M1AP: variants seen among roughly 807,000 people sequenced by gnomAD.
M1AP encodes meiosis 1 associated protein.
M1AP carries 39 observed loss-of-function variants against 51.2 expected under a neutral mutation model. The ratio of observed to expected loss-of-function variants is 0.76; its 90% confidence interval spans 0.59 to 1.00. The LOEUF is 1.00. M1AP is among the 50% of genes least tolerant of loss of function. The probability of loss-of-function intolerance (pLI) is 0.00; values close to 1 mark genes in which losing one functional copy is unlikely to be tolerated. For missense variants in M1AP, 545 were observed against 641.2 expected (o/e 0.85, Z 1.62); for synonymous variants, 251 against 249.2 (o/e 1.01, Z -0.07).
At position 74,558,605 on chromosome 2, in the gene M1AP, C is replaced by T; in HGVS notation, c.*111G>A. On this transcript the variant is annotated 3_prime_UTR_variant, in exon 11 of 11. Transcript: ENST00000421985. ...AGGCTGTTGTTTCCCAGTCAGCCCT[C>T]ACTCACAGAGGCTCAGGCGGATAGA... is the stretch of plus-strand genomic sequence containing the variant. The T allele has an allele frequency of 7.7e-7, 1 of 1,298,812 alleles. No individual in the cohort carries two copies. The highest frequency in any genetic ancestry group is 1.1e-6 in the Non-Finnish European group (1 of 930,742). 80.5% of individuals were successfully genotyped at this position (1,298,812 alleles called of 1,614,324 possible).
chr2:74,609,791 T>C (rs566413235), intron 3 of M1AP, among the ~76,000 whole-genome samples: 5 of 152,200 alleles, frequency 3.3e-5, no homozygotes, highest in African/African-American at 1.2e-4. Context: ...TGGGTTTGAT[T>C]TGCATTTCTC....
Position 74,607,135 on chromosome 2 carries a change from C to A in M1AP, c.515G>T (p.Arg172Met). 6.2e-7 allele frequency: 1 copy of A among 1,614,170 alleles called. No homozygotes were observed. Among genetic ancestry groups the A allele is most frequent in the Non-Finnish European group, 8.5e-7 (1 of 1,180,020 alleles). The part of the protein sequence containing the change: ...LKDTDLARVR[R>M]FQVVEVTKGI... ...CTTTGTGACCTCAACGACCTGAAAC[C>A]TCCTGACTCTGGCTAGGTCTGTATC... The change falls in exon 4 of 11, where the codon AGG becomes ATG. Residue 172 changes from arginine (R) to methionine (M), a missense_variant. By Grantham distance (91) the Arg-to-Met change is moderately conservative (BLOSUM62 -1). Transcript: ENST00000421985.
At chr2:74,614,606 T>C (rs1337099108) in intron 3 of M1AP, among the ~76,000 whole-genome samples, 1 of 152,196 alleles carries the variant, frequency 6.6e-6, no homozygotes, top group African/African-American at 2.4e-5. Flanking sequence ...TTCCTAAGAG[T>C]ACCAAGGTAA....
intron 4 of M1AP, among the ~76,000 whole-genome samples, chr2:74,599,468 T>C (rs570756945): frequency 3.9e-5 from 6 of 152,256 alleles, no homozygotes; most frequent in African/African-American, 1.4e-4. Flanking sequence ...TATTTTTTCC[T>C]ATATGGAATA....
chr2:74,625,112 T>C (rs1463200240), intron 2 of M1AP, among the ~76,000 whole-genome samples: 1 of 152,192 alleles, frequency 6.6e-6, no homozygotes, highest in African/African-American at 2.4e-5. Context: ...AGAAAATTTT[T>C]GCCAATCATA....
intron 4 of M1AP, among the ~76,000 whole-genome samples, chr2:74,595,339 T>C (rs900869015): frequency 2.0e-5 from 3 of 152,040 alleles, no homozygotes; most frequent in African/African-American, 7.3e-5. Context: ...AAAATACATG[T>C]TTGCTTAAAG....
At chr2:74,603,231 G>C (rs1680773841) in intron 4 of M1AP, among the ~76,000 whole-genome samples, 1 of 152,178 alleles carries the variant, frequency 6.6e-6, no homozygotes, top group Non-Finnish European at 1.5e-5. Flanking sequence ...GGGTATCAAA[G>C]TCATTGATTC....
At chr2:74,647,931 T>C (rs1022297107) in intron 1 of M1AP, 5 of 779,250 alleles carry the variant, frequency 6.4e-6, no homozygotes, top group African/African-American at 3.7e-5. Flanking sequence ...AAAATTCTCG[T>C]GGCTCCCTGA....
At chr2:74,628,742 C>T (rs1558692540) in intron 2 of M1AP, 9 of 563,904 alleles carry the variant, frequency 1.6e-5, no homozygotes, top group Non-Finnish European at 2.4e-5. Flanking sequence ...ACAAGATAAT[C>T]GTCATCATAC....
At chr2:74,607,335 T>C in intron 3 of M1AP, 112 bp from the exon 4 acceptor site, 2 of 1,038,096 alleles carry the variant, frequency 1.9e-6, no homozygotes, top group Non-Finnish European at 2.9e-6. Flanking sequence ...GTGGTGGCTA[T>C]TATGTTTAGT....
chr2:74,626,277 T>TTTTA (rs1682387636), intron 2 of M1AP, among the ~76,000 whole-genome samples: 1 of 150,116 alleles, frequency 6.7e-6, no homozygotes, highest in African/African-American at 2.5e-5. Flanking sequence ...TTTTTTTTTT[T>TTTTA]GAGATAGGAT....
intron 2 of M1AP, among the ~76,000 whole-genome samples, chr2:74,621,649 C>T (rs1456730772): frequency 1.3e-4 from 20 of 151,058 alleles, no homozygotes; most frequent in African/African-American, 4.6e-4. Context: ...AAAAATTAGC[C>T]GGGCATGGTG....
chr2:74,572,382 G>T (rs945472458), intron 7 of M1AP, among the ~76,000 whole-genome samples: 3 of 152,154 alleles, frequency 2.0e-5, no homozygotes, highest in Non-Finnish European at 4.4e-5. Context: ...GTGCAGTGGT[G>T]CGATCATGGG....
chr2:74,562,172 C>G, intron 8 of M1AP, 45 bp downstream of exon 8: 1 of 1,555,222 alleles, frequency 6.4e-7, no homozygotes, highest in African/African-American at 1.4e-5. Flanking sequence ...TTCTCAAACT[C>G]CATTCGCTTC....
intron 2 of M1AP, among the ~76,000 whole-genome samples, chr2:74,632,939 T>C (rs749058364): frequency 1.2e-4 from 19 of 152,138 alleles, no homozygotes; most frequent in Non-Finnish European, 2.5e-4. Context: ...AAAAATCCTT[T>C]TACCCTTGTT....
At chr2:74,642,021 T>C (rs577694307) in intron 1 of M1AP, among the ~76,000 whole-genome samples, 1 of 151,718 alleles carries the variant, frequency 6.6e-6, no homozygotes, top group South Asian at 2.1e-4. Context: ...AGTTTTGTAT[T>C]TTTAGTAGAG....
At chr2:74,638,015 T>C (rs551995638) in intron 2 of M1AP, among the ~76,000 whole-genome samples, 1 of 152,238 alleles carries the variant, frequency 6.6e-6, no homozygotes, top group African/African-American at 2.4e-5. Context: ...CCTCTCTGCA[T>C]TGTAGCTTAG....
intron 2 of M1AP, among the ~76,000 whole-genome samples, chr2:74,625,458 T>A (rs1179838430): frequency 2.0e-5 from 3 of 152,228 alleles, no homozygotes; most frequent in Non-Finnish European, 2.9e-5. Flanking sequence ...GGTTTTATAT[T>A]ATGCTTAGAA....
intron 1 of M1AP, among the ~76,000 whole-genome samples, chr2:74,647,116 A>G (rs1683656839): frequency 6.6e-6 from 1 of 152,152 alleles, no homozygotes; most frequent in South Asian, 2.1e-4. Flanking sequence ...CAAACCACCA[A>G]GTTATGCCCA....
Sources: gnomAD v4.1 joint callset for allele counts (sites outside exome capture counted in the v4.1 genomes callset) on GRCh38, gnomAD v4.1.1 for gene constraint, MANE v1.5 for transcripts, NCBI Gene and HGNC (gene_info 2026-07-23, HGNC 2026-07-21) for gene names.